CREB3L2: variants seen among roughly 807,000 people sequenced by gnomAD.
CREB3L2 encodes the protein cyclic AMP-responsive element-binding protein 3-like protein 2.
Under a neutral mutation model 57.2 loss-of-function variants are expected in CREB3L2, and 23 were observed. That is an observed-to-expected ratio of 0.40 (90% CI 0.29 to 0.57). The LOEUF is 0.57. CREB3L2 is among the 20% of genes least tolerant of loss of function. The pLI is 0.42. For missense variants in CREB3L2, 628 were observed against 634.7 expected, an observed-to-expected ratio of 0.99 and a Z score of 0.11; for synonymous variants, 268 against 265.1, an observed-to-expected ratio of 1.01 and a Z score of -0.11.
intron 1 of CREB3L2, among the ~76,000 whole-genome samples, chr7:137,966,705 T>C (rs1287221674): frequency 6.6e-6 from 1 of 152,184 alleles, no homozygotes; most frequent in Non-Finnish European, 1.5e-5. Context: ...ACCTATGCCA[T>C]ATGAGAGTTC....
intron 1 of CREB3L2, among the ~76,000 whole-genome samples, chr7:137,946,966 ATATATAGT>A (rs1801006269): frequency 2.4e-5 from 1 of 41,742 alleles, no homozygotes; most frequent in Non-Finnish European, 5.6e-5. Context: ...ATATAGTTAT[ATATATAGT>A]TATATATATA....
intron 1 of CREB3L2, among the ~76,000 whole-genome samples, chr7:137,982,352 T>C (rs1205263845): frequency 6.6e-6 from 1 of 152,140 alleles, no homozygotes; most frequent in Non-Finnish European, 1.5e-5. Context: ...TTGGGAACCT[T>C]ATGAAACTCT....
At chr7:137,990,202 C>G (rs957865782) in intron 1 of CREB3L2, among the ~76,000 whole-genome samples, 2 of 152,198 alleles carry the variant, frequency 1.3e-5, no homozygotes, top group African/African-American at 4.8e-5. Flanking sequence ...CATAAAATGA[C>G]TTGGGATTCC....
At chr7:137,942,917 G>C (rs1386539230) in intron 1 of CREB3L2, among the ~76,000 whole-genome samples, 2 of 152,174 alleles carry the variant, frequency 1.3e-5, no homozygotes, top group African/African-American at 4.8e-5. Flanking sequence ...AAGTACACAA[G>C]GTTTGAATGC....
At chr7:137,991,834 G>A (rs1801903771) in intron 1 of CREB3L2, among the ~76,000 whole-genome samples, 1 of 151,764 alleles carries the variant, frequency 6.6e-6, no homozygotes, top group Non-Finnish European at 1.5e-5. Flanking sequence ...CTTGATCCTG[G>A]GACATGGAGG....
intron 1 of CREB3L2, among the ~76,000 whole-genome samples, chr7:137,993,422 A>G (rs1167998626): frequency 6.6e-6 from 1 of 152,234 alleles, no homozygotes; most frequent in African/African-American, 2.4e-5. Context: ...CAAAACAAGA[A>G]AAGATATCAA....
At chr7:137,973,091 G>A (rs1234210166) in intron 1 of CREB3L2, among the ~76,000 whole-genome samples, 1 of 151,314 alleles carries the variant, frequency 6.6e-6, no homozygotes, top group Non-Finnish European at 1.5e-5. Flanking sequence ...TCTAGTGGGT[G>A]CAGCGCACCA....
At chr7:137,952,819 G>C (rs532864398) in intron 1 of CREB3L2, among the ~76,000 whole-genome samples, 1 of 151,664 alleles carries the variant, frequency 6.6e-6, no homozygotes, top group Non-Finnish European at 1.5e-5. Context: ...TTTTGTTTTT[G>C]TTTTTTTTAG....
chr7:137,964,672 A>C (rs1435002938), intron 1 of CREB3L2, among the ~76,000 whole-genome samples: 1 of 152,240 alleles, frequency 6.6e-6, no homozygotes, highest in Non-Finnish European at 1.5e-5. Context: ...ACTGCTTTCA[A>C]ATTCTTTAAA....
intron 1 of CREB3L2, among the ~76,000 whole-genome samples, chr7:137,946,380 C>T (rs1474828417): frequency 6.6e-6 from 1 of 151,740 alleles, no homozygotes; most frequent in Non-Finnish European, 1.5e-5. Flanking sequence ...AAATTTTCCT[C>T]CTGCTGGCCT....
Position 137,913,149 on chromosome 7 carries a change from T to C in CREB3L2, c.496-71A>G. 2.7e-6 allele frequency: 4 copies of C among 1,483,116 alleles called. No homozygotes were observed. In the South Asian group the frequency reaches 5.1e-5, roughly 19 times the overall value. The allele number at this position is 1,483,116 out of a possible 1,614,324, so 91.9% of individuals were successfully genotyped here. A position where few individuals can be genotyped will look rare whatever the true frequency, so the allele number is the denominator to read the frequency against. ...CTTGAAGACACATGCAGGAGAGCTATTTGTCACCTGTGTCTTCCTCTCGGG... is the reference window on the plus strand; with the variant it reads ...CTTGAAGACACATGCAGGAGAGCTACTTGTCACCTGTGTCTTCCTCTCGGG... On this transcript the variant is annotated intron_variant, in intron 3 of 11. Coordinates refer to ENST00000330387, the MANE Select transcript of CREB3L2 (RefSeq NM_194071.4).
intron 2 of CREB3L2, among the ~76,000 whole-genome samples, chr7:137,918,636 A>G (rs1309611916): frequency 6.6e-6 from 1 of 152,224 alleles, no homozygotes; most frequent in Non-Finnish European, 1.5e-5. Flanking sequence ...AAGGTCGCAC[A>G]CAATTACCAG....
chr7:137,905,628 G>A (rs1799869316), intron 6 of CREB3L2, 74 bp downstream of exon 6: 2 of 1,513,928 alleles, frequency 1.3e-6, no homozygotes, highest in African/African-American at 2.7e-5. Flanking sequence ...TGGCCGTTGG[G>A]AAGGCAGGGA....
intron 2 of CREB3L2, among the ~76,000 whole-genome samples, chr7:137,920,770 G>A (rs1800257735): frequency 6.6e-6 from 1 of 152,236 alleles, no homozygotes; most frequent in Non-Finnish European, 1.5e-5. Flanking sequence ...AAGAAAGTCA[G>A]CCAGTAAGTA....
At chr7:138,000,399 C>T (rs2117340582) in intron 1 of CREB3L2, among the ~76,000 whole-genome samples, 1 of 152,326 alleles carries the variant, frequency 6.6e-6, no homozygotes, top group East Asian at 1.9e-4. Context: ...TCACACTGAA[C>T]ATCTGGCTTT....
chr7:137,955,090 T>C (rs964385180), intron 1 of CREB3L2, among the ~76,000 whole-genome samples: 1 of 152,210 alleles, frequency 6.6e-6, no homozygotes, highest in Non-Finnish European at 1.5e-5. Context: ...AAATAATGAA[T>C]GACCATGATA....
At chr7:137,913,123 C>G in intron 3 of CREB3L2, 45 bp from the exon 4 acceptor site, 2 of 1,587,402 alleles carry the variant, frequency 1.3e-6, no homozygotes, top group South Asian at 2.3e-5. Context: ...CCAATCACAG[C>G]CTTGAAGACA....
intron 1 of CREB3L2, among the ~76,000 whole-genome samples, chr7:137,981,510 A>G (rs555873512): frequency 3.7e-4 from 56 of 152,380 alleles, no homozygotes; most frequent in Non-Finnish European, 6.2e-4. Context: ...AGAAAAAATA[A>G]TAAGTATGGG....
chr7:137,982,492 A>C (rs1801727981), intron 1 of CREB3L2, among the ~76,000 whole-genome samples: 1 of 152,090 alleles, frequency 6.6e-6, no homozygotes, highest in Non-Finnish European at 1.5e-5. Flanking sequence ...CGCAGTGGGA[A>C]GTCATTGAAT....
Sources: gnomAD v4.1 joint callset for allele counts (sites outside exome capture counted in the v4.1 genomes callset) on GRCh38, gnomAD v4.1.1 for gene constraint, MANE v1.5 for transcripts, NCBI Gene and HGNC (gene_info 2026-07-23, HGNC 2026-07-21) for gene names.